Variants in PHKA1 observed in about 807,000 individuals in gnomAD.
The protein encoded by PHKA1 is phosphorylase kinase regulatory subunit alpha 1, also known as phosphorylase b kinase regulatory subunit alpha, skeletal muscle isoform.
PHKA1 carries 60 observed loss-of-function variants against 110.2 expected under a neutral mutation model. The ratio of observed to expected loss-of-function variants is 0.54; its 90% confidence interval spans 0.44 to 0.68. The LOEUF (loss-of-function observed/expected upper bound fraction) is 0.68. Ranked by LOEUF, PHKA1 falls within the 30% of genes least tolerant of loss-of-function variation. The pLI is 0.00. For synonymous variants in PHKA1, 316 were observed against 333.6 expected (o/e 0.95, Z 0.58); for missense variants, 801 against 942.5 (o/e 0.85, Z 1.97).
At position 72,650,396 on chromosome X, in the gene PHKA1, C is replaced by T. The variant is rs782651487; in HGVS notation, c.1318G>A (p.Val440Ile). 65 of 1,205,644 alleles carry T rather than the reference C, an allele frequency of 5.4e-5. No individual in the cohort carries two copies. The highest frequency in any genetic ancestry group is 6.7e-5 in the Non-Finnish European group (60 of 891,426). The change falls in exon 13 of 32, where the codon GTT becomes ATT. Residue 440 changes from valine to isoleucine, a missense_variant. By Grantham distance (29) the Val-to-Ile change is conservative. This residue lies in a region of PHKA1 where 299 missense variants were observed against 423.3 expected (regional missense o/e 0.71). Coordinates refer to ENST00000373542, the MANE Select transcript of PHKA1 (RefSeq NM_002637.4). ...FSTVPKPDVV[V>I]QVSILAETEE... ...TGGGAATAAGAATACATACCTTGAACCACAACATCGGGCTTCGGTACAGTA... is the reference window on the plus strand; with the variant it reads ...TGGGAATAAGAATACATACCTTGAATCACAACATCGGGCTTCGGTACAGTA...
At position 72,606,328 on chromosome X, in the gene PHKA1, T is replaced by A. The variant is rs145431023; in HGVS notation, c.2607-709A>T. Among the ~76,000 whole-genome samples the A allele has an allele frequency of 3.0e-3, 323 of 107,987 alleles. 1 individual carries two copies. Among genetic ancestry groups the A allele is most frequent in the African/African-American group, 0.01 (308 of 29,901 alleles). 93.8% of individuals were successfully genotyped at this position (107,987 alleles called of 115,157 possible). A position where few individuals can be genotyped will look rare whatever the true frequency, so the allele number is the denominator to read the frequency against. On this transcript the variant is annotated intron_variant, in intron 23 of 31. Coordinates refer to ENST00000373542, the MANE Select transcript of PHKA1 (RefSeq NM_002637.4). ...ATCACAGTTGACAGAGTTGTTTGAT[T>A]TTCTATAGTTTCAATTCACACACAT...
chrX:72,707,357 C>T (rs2054300769), intron 2 of PHKA1, among the ~76,000 whole-genome samples: 1 of 111,997 alleles, frequency 8.9e-6, no homozygotes, highest in Non-Finnish European at 1.9e-5. Context: ...TTCCTTGCCT[C>T]GTCCCAAAGA....
intron 6 of PHKA1, 76 bp downstream of exon 6, chrX:72,675,994 A>G: frequency 1.4e-6 from 1 of 729,198 alleles, no homozygotes; most frequent in Non-Finnish European, 2.2e-6. Context: ...CCACAGTCAC[A>G]TTAAGTTTTA....
intron 3 of PHKA1, among the ~76,000 whole-genome samples, chrX:72,698,286 A>G (rs2054156717): frequency 8.9e-6 from 1 of 112,132 alleles, no homozygotes; most frequent in East Asian, 2.8e-4. Context: ...ACTACTAAAC[A>G]TATATAAGAG....
At chrX:72,664,719 T>C (rs960608369) in intron 8 of PHKA1, among the ~76,000 whole-genome samples, 21 of 111,922 alleles carry the variant, frequency 1.9e-4, no homozygotes, top group Non-Finnish European at 2.3e-4. Flanking sequence ...CATTATCAAT[T>C]ATCTTTTCTG....
At chrX:72,644,286 T>C in intron 14 of PHKA1, 76 bp downstream of exon 14, 2 of 1,058,631 alleles carry the variant, frequency 1.9e-6, no homozygotes, top group Non-Finnish European at 1.3e-6. Flanking sequence ...TACACAATCA[T>C]GAAGAAGAAA....
intron 13 of PHKA1, among the ~76,000 whole-genome samples, chrX:72,649,865 G>A (rs986066955): frequency 4.6e-5 from 5 of 109,730 alleles, no homozygotes; most frequent in African/African-American, 1.3e-4. Flanking sequence ...GGTGGTGCGC[G>A]ACTGTGATCC....
intron 17 of PHKA1, among the ~76,000 whole-genome samples, chrX:72,626,456 A>G (rs1239523789): frequency 2.7e-5 from 3 of 110,897 alleles, no homozygotes; most frequent in African/African-American, 6.6e-5. Flanking sequence ...GGTAGGAAAA[A>G]CTTCCAACCT....
At chrX:72,639,560 G>C (rs1430260650) in intron 14 of PHKA1, among the ~76,000 whole-genome samples, 4 of 111,073 alleles carry the variant, frequency 3.6e-5, no homozygotes, top group Non-Finnish European at 7.6e-5. Flanking sequence ...AAAAGAAAAA[G>C]AAAAGGGTAG....
At chrX:72,669,094 G>A (rs72630060) in intron 6 of PHKA1, among the ~76,000 whole-genome samples, 10,055 of 111,984 alleles carry the variant, frequency 0.09, 988 homozygotes, top group East Asian at 0.67. Context: ...CCCTGCCCCT[G>A]TGGCTTTGAT....
chrX:72,672,812 A>G (rs1438775147), intron 6 of PHKA1, among the ~76,000 whole-genome samples: 1 of 112,329 alleles, frequency 8.9e-6, no homozygotes, highest in Admixed American at 9.4e-5. Flanking sequence ...ACAAATTCAC[A>G]TCATGTGCTT....
chrX:72,658,573 T>A (rs1055080936), intron 8 of PHKA1, among the ~76,000 whole-genome samples: 16 of 111,659 alleles, frequency 1.4e-4, no homozygotes, highest in African/African-American at 4.9e-4. Context: ...GGATCCCATA[T>A]TGCATTCAGT....
chrX:72,584,111 G>T, intron 30 of PHKA1, 138 bp downstream of exon 30: 1 of 539,409 alleles, frequency 1.9e-6, no homozygotes, highest in Non-Finnish European at 3.2e-6. Context: ...TAAAAAAATT[G>T]TCTTTTCTTC....
At chrX:72,703,933 G>A (rs1280371526) in intron 3 of PHKA1, among the ~76,000 whole-genome samples, 1 of 111,281 alleles carries the variant, frequency 9.0e-6, no homozygotes, top group African/African-American at 3.3e-5. Context: ...GATCTCCTAG[G>A]ATAAAACAAT....
intron 28 of PHKA1, chrX:72,599,897 T>C (rs1556240157): frequency 7.7e-6 from 4 of 519,931 alleles, no homozygotes; most frequent in Non-Finnish European, 1.4e-5. Context: ...AATAAAATTT[T>C]AAAAGATATG....
At chrX:72,602,994 G>C in intron 26 of PHKA1, 125 bp downstream of exon 26, 1 of 517,994 alleles carries the variant, frequency 1.9e-6, no homozygotes, top group Non-Finnish European at 3.4e-6. Context: ...CTTGGTTTCT[G>C]TTTTATATAT....
chrX:72,605,676 T>A, intron 23 of PHKA1, 57 bp from the exon 24 acceptor site: 1 of 908,741 alleles, frequency 1.1e-6, no homozygotes, highest in Non-Finnish European at 1.6e-6. Flanking sequence ...ATCTTAAATA[T>A]GTTGAAAAAA....
Position 72,593,288 on chromosome X carries a change from A to T in PHKA1, c.3073-14T>A. On this transcript the variant is annotated splice_polypyrimidine_tract_variant and intron_variant, in intron 28 of 31. Coordinates refer to ENST00000373542, the MANE Select transcript of PHKA1 (RefSeq NM_002637.4). ...GGTTCCAGGTGACTTGGAAGAGGAG[A>T]GGAAAGAACATAAATCAAAAGTTAT... The T allele has an allele frequency of 8.6e-7, 1 of 1,166,779 alleles. No homozygotes were observed. Among genetic ancestry groups the T allele is most frequent in the African/African-American group, 1.8e-5 (1 of 56,743 alleles).
chrX:72,665,871 G>C (rs1402122040), intron 8 of PHKA1, among the ~76,000 whole-genome samples: 1 of 111,725 alleles, frequency 9.0e-6, no homozygotes, highest in Non-Finnish European at 1.9e-5. Flanking sequence ...CATTTCTGTA[G>C]GGTAGATTTC....
Sources: allele counts gnomAD v4.1 joint callset (sites outside exome capture counted in the v4.1 genomes callset), GRCh38; gene constraint gnomAD v4.1.1; regional missense constraint gnomAD v4.1.1; transcripts MANE v1.5; gene names NCBI Gene and HGNC (gene_info 2026-07-23, HGNC 2026-07-21).